FTO: variants seen among roughly 807,000 people sequenced by gnomAD.
FTO encodes alpha-ketoglutarate-dependent dioxygenase FTO.
Under a neutral mutation model 63.9 loss-of-function variants are expected in FTO, and 47 were observed. That is an observed-to-expected ratio of 0.74 (90% CI 0.58 to 0.94). The LOEUF (loss-of-function observed/expected upper bound fraction) is 0.94. Ranked by LOEUF, FTO falls within the 40% of genes least tolerant of loss-of-function variation. The pLI is 0.00. For missense variants in FTO, 562 were observed against 618.1 expected (o/e 0.91, Z 0.96); for synonymous variants, 207 against 224.4 (o/e 0.92, Z 0.69).
At chr16:54,005,642 CTCAT>C (rs1246428961) in intron 8 of FTO, among the ~76,000 whole-genome samples, 2 of 152,092 alleles carry the variant, frequency 1.3e-5, no homozygotes, top group Admixed American at 6.6e-5. Context: ...CCAACTAGCT[CTCAT>C]TCATTCATTC....
At chr16:53,926,957 C>G (rs2065777147) in intron 7 of FTO, among the ~76,000 whole-genome samples, 1 of 152,160 alleles carries the variant, frequency 6.6e-6, no homozygotes, top group Non-Finnish European at 1.5e-5. Context: ...GCCAAAGCTC[C>G]TTGTCTCCTT....
intron 8 of FTO, among the ~76,000 whole-genome samples, chr16:54,083,676 C>A (rs1295838089): frequency 2.0e-5 from 3 of 152,162 alleles, no homozygotes; most frequent in African/African-American, 7.2e-5. Context: ...ACCGCCCTCC[C>A]TACCGCCATT....
rs563808442 is a variant in FTO at position 53,707,105 on chromosome 16, G to C, written c.45+2876G>C. Among the ~76,000 whole-genome samples the C allele has an allele frequency of 2.4e-4, 37 of 152,254 alleles. No homozygotes were observed. The South Asian group carries it at 6.8e-3, about 28-fold the overall frequency. ...TGCTGCAACAAGTTACCACAAACTT[G>C]GTGGCTTAAAACAACAGAAATTTAT... On this transcript the variant is annotated intron_variant, in intron 1 of 8. Coordinates refer to ENST00000471389, the MANE Select transcript of FTO (RefSeq NM_001080432.3).
intron 8 of FTO, among the ~76,000 whole-genome samples, chr16:53,945,853 G>A (rs1352272484): frequency 1.3e-5 from 2 of 152,180 alleles, no homozygotes; most frequent in East Asian, 1.9e-4. Flanking sequence ...GCTGATTTCA[G>A]TGGGTGCCCT....
chr16:53,829,879 G>A (rs2079099967), intron 3 of FTO, among the ~76,000 whole-genome samples: 1 of 151,286 alleles, frequency 6.6e-6, no homozygotes, highest in Non-Finnish European at 1.5e-5. Flanking sequence ...GAAGGGAAGT[G>A]GCTTGGCCAA....
intron 1 of FTO, among the ~76,000 whole-genome samples, chr16:53,786,437 T>C (rs1384251822): frequency 2.0e-5 from 3 of 152,118 alleles, no homozygotes; most frequent in African/African-American, 7.2e-5. Context: ...GATCAGAACA[T>C]AATGAAAATA....
At chr16:53,736,053 A>G (rs1366624163) in intron 1 of FTO, among the ~76,000 whole-genome samples, 1 of 152,204 alleles carries the variant, frequency 6.6e-6, no homozygotes, top group Non-Finnish European at 1.5e-5. Flanking sequence ...ATACATGTTA[A>G]CCATATGAAT....
chr16:53,762,462 G>GA (rs112798568), intron 1 of FTO, among the ~76,000 whole-genome samples: 1 of 152,106 alleles, frequency 6.6e-6, no homozygotes, highest in South Asian at 2.1e-4. Context: ...CAGCAGACAT[G>GA]AAAAAACGTT....
At chr16:54,086,044 T>G (rs1446618450) in intron 8 of FTO, among the ~76,000 whole-genome samples, 1 of 152,140 alleles carries the variant, frequency 6.6e-6, no homozygotes, top group Non-Finnish European at 1.5e-5. Context: ...ACAACAACAA[T>G]AAGGCCTCCA....
intron 1 of FTO, among the ~76,000 whole-genome samples, chr16:53,739,910 T>A (rs2076491221): frequency 6.6e-6 from 1 of 152,188 alleles, no homozygotes; most frequent in Non-Finnish European, 1.5e-5. Flanking sequence ...ATAGAAGCAG[T>A]ATAAAGTTTG....
intron 8 of FTO, among the ~76,000 whole-genome samples, chr16:54,020,980 A>G (rs1254850859): frequency 6.6e-6 from 1 of 152,100 alleles, no homozygotes; most frequent in Non-Finnish European, 1.5e-5. Flanking sequence ...CAAAAAAAGA[A>G]AAAAAAAGAA....
chr16:53,939,983 A>G (rs7205617), intron 8 of FTO, among the ~76,000 whole-genome samples: 141,068 of 152,176 alleles, frequency 0.93, 65,491 homozygotes, highest in East Asian at 1. Context: ...TGAGTGACAT[A>G]TTTTCAGTTC....
intron 8 of FTO, among the ~76,000 whole-genome samples, chr16:53,936,340 C>T (rs953303962): frequency 6.6e-6 from 1 of 152,232 alleles, no homozygotes; most frequent in Non-Finnish European, 1.5e-5. Flanking sequence ...AAAGTGTCCT[C>T]AGAGTATTAA....
chr16:54,081,079 T>TC (rs2086128759), intron 8 of FTO, among the ~76,000 whole-genome samples: 1 of 152,136 alleles, frequency 6.6e-6, no homozygotes, highest in South Asian at 2.1e-4. Context: ...GGATTTTTTT[T>TC]CCCCCTTTTG....
intron 2 of FTO, 58 bp downstream of exon 2, chr16:53,810,275 T>C (rs1277438530): frequency 1.6e-6 from 2 of 1,233,548 alleles, no homozygotes; most frequent in Non-Finnish European, 2.4e-6. Context: ...AACCTTATTT[T>C]ACCTATGAGG....
At chr16:53,733,898 G>A (rs1330018324) in intron 1 of FTO, among the ~76,000 whole-genome samples, 1 of 152,082 alleles carries the variant, frequency 6.6e-6, no homozygotes, top group African/African-American at 2.4e-5. Context: ...AAAACTGACT[G>A]GAAGGAAGAT....
chr16:53,979,554 T>C (rs2143802175), intron 8 of FTO: 2 of 395,242 alleles, frequency 5.1e-6, no homozygotes, highest in East Asian at 7.2e-5. Context: ...TGTGTGTGTG[T>C]GTGTGTGTGT....
chr16:53,719,389 G>A (rs1226776171), intron 1 of FTO, among the ~76,000 whole-genome samples: 1 of 151,456 alleles, frequency 6.6e-6, no homozygotes, highest in African/African-American at 2.4e-5. Flanking sequence ...GCACCACCAT[G>A]CCTGGCTATT....
chr16:53,782,209 T>G (rs940588938), intron 1 of FTO, among the ~76,000 whole-genome samples: 1 of 152,200 alleles, frequency 6.6e-6, no homozygotes, highest in African/African-American at 2.4e-5. Context: ...CTTTCTGCAG[T>G]CTCTTAATAA....
Sources: gnomAD v4.1 joint callset for allele counts (sites outside exome capture counted in the v4.1 genomes callset) on GRCh38, gnomAD v4.1.1 for gene constraint, MANE v1.5 for transcripts, NCBI Gene and HGNC (gene_info 2026-07-23, HGNC 2026-07-21) for gene names.